STS: variants seen among roughly 807,000 people sequenced by gnomAD.
STS encodes the protein steroid sulfatase, also known as steryl-sulfatase.
A neutral mutation model predicts 26.8 loss-of-function variants in STS; 7 were observed. That is an observed-to-expected ratio of 0.26 (90% CI 0.15 to 0.49). The LOEUF (loss-of-function observed/expected upper bound fraction) is 0.49, where lower values mean the gene tolerates loss of function less well. Ranked by LOEUF, STS falls within the 20% of genes least tolerant of loss-of-function variation. The probability of loss-of-function intolerance (pLI) is 0.98; values close to 1 mark genes in which losing one functional copy is unlikely to be tolerated. For missense variants in STS, 434 were observed against 465.6 expected (o/e 0.93, Z 0.63); for synonymous variants, 199 against 189.4 (o/e 1.05, Z -0.42).
At chrX:7,150,803 T>C (rs1373120262) in intron 1 of STS, among the ~76,000 whole-genome samples, 3 of 111,525 alleles carry the variant, frequency 2.7e-5, no homozygotes, top group Non-Finnish European at 5.6e-5. Context: ...TGGAAAAGAA[T>C]GAAATTTTGT....
intron 2 of STS, among the ~76,000 whole-genome samples, chrX:7,205,943 G>C (rs184353077): frequency 1.8e-5 from 2 of 110,378 alleles, no homozygotes; most frequent in Admixed American, 9.6e-5. Context: ...GGATTTCACA[G>C]TCATTGCATA....
intron 2 of STS, among the ~76,000 whole-genome samples, chrX:7,251,949 A>G (rs1351928534): frequency 3.6e-5 from 4 of 111,358 alleles, no homozygotes; most frequent in Non-Finnish European, 3.8e-5. Context: ...CAACAGAGCC[A>G]GAACCCTGTC....
intron 8 of STS, among the ~76,000 whole-genome samples, chrX:7,315,075 T>A (rs751043977): frequency 8.9e-6 from 1 of 112,524 alleles, no homozygotes; most frequent in East Asian, 2.8e-4. Context: ...TGTAATCACA[T>A]TCACCTATAG....
intron 5 of STS, among the ~76,000 whole-genome samples, chrX:7,258,563 T>C: frequency 8.9e-6 from 1 of 111,976 alleles, no homozygotes; most frequent in Non-Finnish European, 1.9e-5. Flanking sequence ...ACCTTCCTTT[T>C]TGCATGAAGA....
intron 9 of STS, among the ~76,000 whole-genome samples, chrX:7,328,541 T>A (rs1411403603): frequency 1.0e-5 from 1 of 99,273 alleles, no homozygotes; most frequent in Non-Finnish European, 2.0e-5. Flanking sequence ...ACCTCAGAGG[T>A]GCTTGCTGAC....
chrX:7,289,892 C>T (rs758673749), intron 7 of STS, among the ~76,000 whole-genome samples: 1 of 111,301 alleles, frequency 9.0e-6, no homozygotes, highest in African/African-American at 3.3e-5. Context: ...TGAGCTCAGT[C>T]AGTTCACCCA....
chrX:7,320,013 TTTATATATATTTA>T (rs1926918970), intron 8 of STS, among the ~76,000 whole-genome samples: 3 of 90,553 alleles, frequency 3.3e-5, no homozygotes, highest in African/African-American at 1.2e-4. Context: ...TATATATATA[TTTATATATATTTA>T]TATATATATT....
intron 7 of STS, among the ~76,000 whole-genome samples, chrX:7,281,485 G>C (rs1429638113): frequency 8.9e-6 from 1 of 111,903 alleles, no homozygotes; most frequent in Middle Eastern, 4.2e-3. Context: ...GGAAAAATAA[G>C]TGGTGAATTC....
intron 2 of STS, among the ~76,000 whole-genome samples, chrX:7,198,643 G>T (rs1038810013): frequency 6.2e-5 from 7 of 112,417 alleles, no homozygotes; most frequent in African/African-American, 2.3e-4. Flanking sequence ...AGTTAGCTCA[G>T]TCTGTGTTCA....
intron 1 of STS, among the ~76,000 whole-genome samples, chrX:7,174,428 C>T (rs199559567): frequency 1.8e-5 from 2 of 111,810 alleles, no homozygotes; most frequent in East Asian, 5.6e-4. Context: ...TCCATTTAAA[C>T]TGCATGCAAC....
intron 2 of STS, among the ~76,000 whole-genome samples, chrX:7,212,159 A>G (rs1165631405): frequency 8.9e-6 from 1 of 112,001 alleles, no homozygotes; most frequent in Non-Finnish European, 1.9e-5. Context: ...GGATGTGGTT[A>G]TTAATGATTA....
At chrX:7,238,845 T>C (rs182347671) in intron 2 of STS, among the ~76,000 whole-genome samples, 35 of 110,466 alleles carry the variant, frequency 3.2e-4, no homozygotes, top group Non-Finnish European at 5.7e-4. Context: ...AAATTGTGTT[T>C]TTAATTTAAA....
chrX:7,325,703 G>C (rs1302147033), intron 9 of STS, among the ~76,000 whole-genome samples: 1 of 112,568 alleles, frequency 8.9e-6, no homozygotes, highest in Non-Finnish European at 1.9e-5. Flanking sequence ...TCCAAAGGAA[G>C]ACCCAAAGAT....
chrX:7,241,207 C>T (rs1922603478), intron 2 of STS, among the ~76,000 whole-genome samples: 1 of 111,672 alleles, frequency 9.0e-6, no homozygotes, highest in Non-Finnish European at 1.9e-5. Flanking sequence ...CTCTGAGTGG[C>T]TGGTTGATGT....
In STS at chrX:7,315,006, T is replaced by C. The variant is rs1274895130; in HGVS notation, c.1081+9823T>C. Among the ~76,000 whole-genome samples, 9 of 112,478 alleles carry C rather than the reference T, an allele frequency of 8.0e-5. No individual in the cohort carries two copies. The East Asian group carries it at 2.0e-3, about 24-fold the overall frequency. On this transcript the variant is annotated intron_variant, in intron 8 of 10. Coordinates refer to ENST00000674429, the MANE Select transcript of STS (RefSeq NM_001320752.2). ...TGGAGAAAATTTTAGGAATGCAATG[T>C]ATTAGGGAAATGAAACATTTAGCAA... is the stretch of plus-strand genomic sequence containing the variant.
intron 10 of STS, among the ~76,000 whole-genome samples, chrX:7,334,574 A>C (rs753062626): frequency 9.0e-6 from 1 of 111,505 alleles, no homozygotes; most frequent in South Asian, 3.8e-4. Context: ...AATGCCCCCC[A>C]GGCCCTGCTG....
rs72344557 is a variant in STS at position 7,258,105 on chromosome X, CATAGATAGATAGATAG to C, written c.382+544_382+559del. Among the ~76,000 whole-genome samples the C allele has an allele frequency of 3.1e-3, 287 of 92,685 alleles. 1 individual carries two copies. The highest frequency in any genetic ancestry group is 7.9e-3 in the East Asian group (22 of 2,791). The allele number at this position is 92,685 out of a possible 115,157, so 80.5% of individuals were successfully genotyped here. On this transcript the variant is annotated intron_variant, in intron 5 of 10. Transcript: ENST00000674429. ...ATAGATAGAGAAATAGAAAAACAGA[CATAGATAGATAGATAG>C]ATAGATAGATAGATAGATAGATAGA...
intron 7 of STS, among the ~76,000 whole-genome samples, chrX:7,293,704 A>G (rs1479895868): frequency 2.7e-5 from 3 of 112,102 alleles, no homozygotes; most frequent in Middle Eastern, 4.6e-3. Flanking sequence ...AGCAAGAATG[A>G]AGGATATGTA....
chrX:7,154,188 G>A (rs1196271298), intron 1 of STS, among the ~76,000 whole-genome samples: 1 of 111,845 alleles, frequency 8.9e-6, no homozygotes, highest in African/African-American at 3.2e-5. Flanking sequence ...CTCCTTGAAT[G>A]GAATCACAGC....
Sources: allele counts gnomAD v4.1 joint callset (sites outside exome capture counted in the v4.1 genomes callset), GRCh38; gene constraint gnomAD v4.1.1; transcripts MANE v1.5; gene names NCBI Gene and HGNC (gene_info 2026-07-23, HGNC 2026-07-21).